The following SNTG2 variants were observed in gnomAD, a reference collection of about 807,000 sequenced individuals.
The protein encoded by SNTG2 is gamma-2-syntrophin.
In SNTG2, 74 loss-of-function variants were observed where a neutral mutation model predicts 70.9. The ratio of observed to expected loss-of-function variants is 1.04; its 90% CI spans 0.86 to 1.27. The LOEUF (loss-of-function observed/expected upper bound fraction) is 1.27, where lower values mean the gene tolerates loss of function less well. Among genes scored for constraint, SNTG2 ranks in the 50% most tolerant of loss-of-function variants. The probability of loss-of-function intolerance (pLI) is 0.00; values close to 1 mark genes in which losing one functional copy is unlikely to be tolerated. For synonymous variants in SNTG2, 278 were observed against 273.8 expected (o/e 1.02, Z -0.15); for missense variants, 717 against 690.7 (o/e 1.04, Z -0.43).
intron 6 of SNTG2, chr2:1,158,531 A>C (rs1483485800): frequency 2.0e-5 from 3 of 152,194 alleles, no homozygotes; most frequent in Non-Finnish European, 4.4e-5. Context: ...TATTCATGAC[A>C]ATTGAATAAC....
Position 1,268,421 on chromosome 2 carries a change from A to C in SNTG2, c.1284+850A>C, listed in dbSNP as rs1286015603. Among the ~76,000 whole-genome samples the C allele has an allele frequency of 2.0e-5, 3 of 152,186 alleles. No individual in the cohort carries two copies. The East Asian group carries it at 5.8e-4, about 29-fold the overall frequency. ...ATGTATCCAGGCTCCTTGGCATGCC[A>C]TCACAGAGCACGAAGCTTCCCTGTA... On this transcript the variant is annotated intron_variant, in intron 14 of 16. Transcript: ENST00000308624.
chr2:1,051,830 C>T (rs915468152), intron 1 of SNTG2, among the ~76,000 whole-genome samples: 10 of 152,172 alleles, frequency 6.6e-5, no homozygotes, highest in Non-Finnish European at 1.2e-4. Context: ...CTGCAGGACC[C>T]GGAGCCAGAA....
At chr2:1,193,290 G>A (rs981834951) in intron 8 of SNTG2, among the ~76,000 whole-genome samples, 20 of 152,198 alleles carry the variant, frequency 1.3e-4, no homozygotes, top group Admixed American at 1.3e-3. Flanking sequence ...GGTGGCAGGT[G>A]GACAACTGGG....
chr2:1,052,267 T>C (rs1003134738), intron 1 of SNTG2, among the ~76,000 whole-genome samples: 4 of 152,186 alleles, frequency 2.6e-5, no homozygotes, highest in Admixed American at 6.5e-5. Context: ...GTGAAATAAT[T>C]TTAATACTAA....
chr2:1,065,294 C>T (rs954969404), intron 1 of SNTG2, among the ~76,000 whole-genome samples: 7 of 152,096 alleles, frequency 4.6e-5, no homozygotes, highest in Non-Finnish European at 8.8e-5. Flanking sequence ...TAGTGACTGC[C>T]CTCTGTTCTA....
chr2:1,136,385 C>T (rs7421223), intron 4 of SNTG2, among the ~76,000 whole-genome samples: 19,592 of 150,960 alleles, frequency 0.13, 1,763 homozygotes, highest in East Asian at 0.44. Flanking sequence ...AGGGAGACGG[C>T]GCAGGGGAGA....
chr2:1,306,726 C>T lies in SNTG2; in HGVS notation c.1285-1768C>T, dbSNP rs549395448. Among the ~76,000 whole-genome samples, 224 of 142,974 alleles carry T rather than the reference C, an allele frequency of 1.6e-3. 1 individual carries two copies. The highest frequency in any genetic ancestry group is 2.9e-3 in the South Asian group (12 of 4,186). The allele number at this position is 142,974 out of a possible 152,430, so 93.8% of individuals were successfully genotyped here. A position where few individuals can be genotyped will look rare whatever the true frequency, so the allele number is the denominator to read the frequency against. ...TGTGTGTGTGCCATGCACTGTCAGC[C>T]GTGCGCTGTGTGAGCCACACTGTGT... On this transcript the variant is annotated intron_variant, in intron 14 of 16. Transcript: ENST00000308624.
chr2:968,800 T>G (rs1004150028), intron 1 of SNTG2, among the ~76,000 whole-genome samples: 1 of 152,226 alleles, frequency 6.6e-6, no homozygotes, highest in African/African-American at 2.4e-5. Context: ...TTCAAATATT[T>G]CCTTTCATCC....
At chr2:1,191,229 G>A (rs1672574777) in intron 8 of SNTG2, among the ~76,000 whole-genome samples, 1 of 152,132 alleles carries the variant, frequency 6.6e-6, no homozygotes, top group Admixed American at 6.6e-5. Flanking sequence ...ATGATGTTGG[G>A]GTGCCTGTAG....
intron 14 of SNTG2, among the ~76,000 whole-genome samples, chr2:1,304,046 C>G (rs973390363): frequency 6.6e-6 from 1 of 152,196 alleles, no homozygotes; most frequent in Non-Finnish European, 1.5e-5. Context: ...CCAATATCTT[C>G]TCTATAATAT....
chr2:1,018,639 G>A (rs888307899), intron 1 of SNTG2, among the ~76,000 whole-genome samples: 6 of 152,136 alleles, frequency 3.9e-5, no homozygotes, highest in Admixed American at 1.3e-4. Context: ...GACCCAGGGC[G>A]TGAACTTCTC....
At chr2:1,188,873 T>A (rs1352856495) in intron 8 of SNTG2, among the ~76,000 whole-genome samples, 1 of 152,142 alleles carries the variant, frequency 6.6e-6, no homozygotes, top group African/African-American at 2.4e-5. Flanking sequence ...ATAAATATAT[T>A]TTTAATGGTG....
intron 8 of SNTG2, among the ~76,000 whole-genome samples, chr2:1,187,843 A>C (rs774354063): frequency 6.6e-6 from 1 of 152,344 alleles, no homozygotes; most frequent in East Asian, 1.9e-4. Flanking sequence ...CTGTTGAGCT[A>C]TCTTTATGAT....
At chr2:976,917 C>T (rs113822561) in intron 1 of SNTG2, among the ~76,000 whole-genome samples, 8 of 152,346 alleles carry the variant, frequency 5.3e-5, no homozygotes, top group Admixed American at 1.3e-4. Flanking sequence ...TCAGCCAAGG[C>T]GAGTGGAGGC....
At chr2:1,341,589 G>A (rs1266028577) in intron 16 of SNTG2, 1 of 152,246 alleles carries the variant, frequency 6.6e-6, no homozygotes, top group Non-Finnish European at 1.5e-5. Flanking sequence ...TTCTCTGGAG[G>A]TTGATCTTTC....
chr2:1,223,860 G>GTTCCACAGATGGGTGT (rs1558559270), intron 9 of SNTG2, among the ~76,000 whole-genome samples: 1 of 149,090 alleles, frequency 6.7e-6, no homozygotes, highest in Non-Finnish European at 1.5e-5. Context: ...CAGATGGGTG[G>GTTCCACAGATGGGTGT]CCTTACGCAG....
intron 8 of SNTG2, among the ~76,000 whole-genome samples, chr2:1,178,666 G>T (rs915739452): frequency 6.6e-6 from 1 of 152,082 alleles, no homozygotes; most frequent in African/African-American, 2.4e-5. Flanking sequence ...CTTGATCATG[G>T]TGGATAAGCT....
At chr2:1,283,814 C>T (rs1679657640) in intron 14 of SNTG2, among the ~76,000 whole-genome samples, 1 of 152,126 alleles carries the variant, frequency 6.6e-6, no homozygotes, top group Admixed American at 6.5e-5. Flanking sequence ...TGAATTAAAG[C>T]GAGTCTTGGG....
intron 8 of SNTG2, among the ~76,000 whole-genome samples, chr2:1,190,527 A>G (rs1352888405): frequency 4.3e-5 from 4 of 93,150 alleles, no homozygotes; most frequent in Non-Finnish European, 6.7e-5. Context: ...ATATATATAT[A>G]TATATATATA....
Sources: allele counts gnomAD v4.1 joint callset (sites outside exome capture counted in the v4.1 genomes callset), GRCh38; gene constraint gnomAD v4.1.1; transcripts MANE v1.5; gene names NCBI Gene and HGNC (gene_info 2026-07-23, HGNC 2026-07-21).